ANKS1B: variants seen among roughly 807,000 people sequenced by gnomAD.
The protein encoded by ANKS1B is ankyrin repeat and sterile alpha motif domain-containing protein 1B.
ANKS1B carries 36 observed loss-of-function variants against 148.3 expected under a neutral mutation model. That is an observed-to-expected ratio of 0.24 (90% CI 0.19 to 0.32). ANKS1B has a LOEUF of 0.32. Ranked by LOEUF, ANKS1B falls within the 10% of genes least tolerant of loss-of-function variation. The probability of loss-of-function intolerance (pLI) is 1.00; values close to 1 mark genes in which losing one functional copy is unlikely to be tolerated. For synonymous variants in ANKS1B, 542 were observed against 560.8 expected, an observed-to-expected ratio of 0.97 and a Z score of 0.47; for missense variants, 1,157 against 1,542.6, an observed-to-expected ratio of 0.75 and a Z score of 4.19.
intron 15 of ANKS1B, chr12:99,105,083 A>T (rs190294886): frequency 2.1e-4 from 32 of 152,368 alleles, no homozygotes; most frequent in African/African-American, 7.0e-4. Flanking sequence ...CTGGACATAA[A>T]GTGCTAGATC....
chr12:99,197,816 AC>A (rs2081564130), intron 14 of ANKS1B, among the ~76,000 whole-genome samples: 2 of 152,290 alleles, frequency 1.3e-5, no homozygotes, highest in East Asian at 1.9e-4. Flanking sequence ...GCTCAATCAG[AC>A]TTTTGTCTCA....
intron 1 of ANKS1B, among the ~76,000 whole-genome samples, chr12:99,922,687 G>A (rs140236594): frequency 1.5e-3 from 234 of 152,188 alleles, no homozygotes; most frequent in African/African-American, 5.1e-3. Context: ...TGTGTCCCCC[G>A]AAGTTCATGT....
At chr12:99,919,190 T>C (rs2094270532) in intron 1 of ANKS1B, among the ~76,000 whole-genome samples, 1 of 152,144 alleles carries the variant, frequency 6.6e-6, no homozygotes, top group African/African-American at 2.4e-5. Flanking sequence ...AGTGATATGA[T>C]AGAAAGAGTA....
intron 12 of ANKS1B, among the ~76,000 whole-genome samples, chr12:99,374,293 T>C (rs1297532856): frequency 6.6e-6 from 1 of 152,176 alleles, no homozygotes; most frequent in Non-Finnish European, 1.5e-5. Context: ...TTAGAGCCAC[T>C]GTCTGTGTGG....
intron 14 of ANKS1B, among the ~76,000 whole-genome samples, chr12:99,194,636 A>G (rs541674467): frequency 6.6e-6 from 1 of 152,292 alleles, no homozygotes; most frequent in South Asian, 2.1e-4. Context: ...AAACACACAA[A>G]AGGTTAAAAA....
intron 1 of ANKS1B, among the ~76,000 whole-genome samples, chr12:99,848,372 CTACCA>C (rs147094373): frequency 1.0e-3 from 153 of 152,220 alleles, no homozygotes; most frequent in African/African-American, 3.6e-3. Context: ...CTACCATTCT[CTACCA>C]TACCAAGTTG....
chr12:99,806,348 C>T, intron 4 of ANKS1B, 56 bp downstream of exon 4: 1 of 1,588,864 alleles, frequency 6.3e-7, no homozygotes, highest in East Asian at 2.2e-5. Context: ...ACATTTGAAT[C>T]CCAAAGCCAA....
intron 1 of ANKS1B, among the ~76,000 whole-genome samples, chr12:99,913,115 T>G (rs1329626458): frequency 6.6e-6 from 1 of 152,186 alleles, no homozygotes; most frequent in Admixed American, 6.5e-5. Context: ...TAACTCTCTA[T>G]AACCATTTTG....
chr12:99,932,297 T>C (rs2094639793), intron 1 of ANKS1B, among the ~76,000 whole-genome samples: 2 of 152,182 alleles, frequency 1.3e-5, no homozygotes, highest in South Asian at 4.1e-4. Flanking sequence ...GCAATGGGAT[T>C]GCTGGATCAT....
chr12:99,264,003 C>G, intron 12 of ANKS1B, among the ~76,000 whole-genome samples: 1 of 152,124 alleles, frequency 6.6e-6, no homozygotes, highest in Non-Finnish European at 1.5e-5. Flanking sequence ...AGTTCAAATC[C>G]ATTGCCCTAA....
At chr12:98,814,260 G>C (rs776943824) in intron 19 of ANKS1B, among the ~76,000 whole-genome samples, 12 of 152,190 alleles carry the variant, frequency 7.9e-5, no homozygotes, top group Non-Finnish European at 1.5e-4. Flanking sequence ...TTGTTGTGCA[G>C]CTTCACGAGA....
At chr12:99,632,508 C>T (rs545092237) in intron 9 of ANKS1B, among the ~76,000 whole-genome samples, 5 of 151,626 alleles carry the variant, frequency 3.3e-5, no homozygotes, top group East Asian at 2.0e-4. Context: ...CAATCCTAGT[C>T]GAGGAGAGCT....
intron 17 of ANKS1B, chr12:98,895,153 G>T (rs2099762223): frequency 2.0e-6 from 2 of 985,052 alleles, no homozygotes; most frequent in South Asian, 9.4e-5. Flanking sequence ...GACCCTCACT[G>T]CGAGAGCGAT....
chr12:99,067,133 C>G (rs908307785), intron 16 of ANKS1B, among the ~76,000 whole-genome samples: 4 of 152,216 alleles, frequency 2.6e-5, no homozygotes, highest in Admixed American at 2.0e-4. Context: ...ATAGCTGTAT[C>G]ATGAAACATT....
At chr12:99,255,944 T>C (rs2075209223) in intron 12 of ANKS1B, among the ~76,000 whole-genome samples, 1 of 152,234 alleles carries the variant, frequency 6.6e-6, no homozygotes, top group East Asian at 1.9e-4. Context: ...CTTTGCATTA[T>C]GTCAGATTAA....
chr12:99,126,487 AAT>A (rs2153739405), intron 15 of ANKS1B, among the ~76,000 whole-genome samples: 1 of 152,180 alleles, frequency 6.6e-6, no homozygotes, highest in African/African-American at 2.4e-5. Flanking sequence ...ATATAGAAAT[AAT>A]AGAGTCTCCC....
intron 1 of ANKS1B, among the ~76,000 whole-genome samples, chr12:99,850,281 GTCTCTCTCTCTCTC>G (rs71436968): frequency 2.6e-5 from 3 of 114,260 alleles, no homozygotes; most frequent in East Asian, 4.4e-4. Flanking sequence ...AAGCAAGAAA[GTCTCTCTCTCTCTC>G]TCTCTCTCTC....
chr12:99,769,628 ATGTC>A (rs1277031302), intron 8 of ANKS1B, among the ~76,000 whole-genome samples: 1 of 152,184 alleles, frequency 6.6e-6, no homozygotes, highest in Non-Finnish European at 1.5e-5. Flanking sequence ...CAGCTCCAGA[ATGTC>A]TGTGTTCTTG....
chr12:99,507,458 C>T (rs1305091829), intron 9 of ANKS1B, among the ~76,000 whole-genome samples: 1 of 151,848 alleles, frequency 6.6e-6, no homozygotes, highest in Non-Finnish European at 1.5e-5. Flanking sequence ...AAAATAATCA[C>T]ATGAAAATCA....
Sources: gnomAD v4.1 joint callset for allele counts (sites outside exome capture counted in the v4.1 genomes callset) on GRCh38, gnomAD v4.1.1 for gene constraint, MANE v1.5 for transcripts, NCBI Gene and HGNC (gene_info 2026-07-23, HGNC 2026-07-21) for gene names.